DIS3L2: variants seen among roughly 807,000 people sequenced by gnomAD.
The protein encoded by DIS3L2 is DIS3 like 3'-5' exoribonuclease 2.
In DIS3L2, 34 loss-of-function variants were observed where a neutral mutation model predicts 97.5. That is an observed-to-expected ratio of 0.35 (90% CI 0.27 to 0.46). The LOEUF is 0.46. Among genes scored for constraint, DIS3L2 ranks in the 20% least tolerant of loss-of-function variants. The pLI, the probability that DIS3L2 is intolerant of heterozygous loss-of-function variation, is 1.00. For synonymous variants in DIS3L2, 435 were observed against 445.2 expected (o/e 0.98, Z 0.29); for missense variants, 1,038 against 1,146.0 (o/e 0.91, Z 1.36).
intron 9 of DIS3L2, among the ~76,000 whole-genome samples, chr2:232,197,790 A>G (rs1206039448): frequency 6.6e-6 from 1 of 151,916 alleles, no homozygotes; most frequent in African/African-American, 2.4e-5. Context: ...AACATGGTGA[A>G]ACCCCGTCTC....
intron 13 of DIS3L2, among the ~76,000 whole-genome samples, chr2:232,274,720 A>G (rs1177090299): frequency 3.3e-5 from 5 of 152,256 alleles, no homozygotes; most frequent in South Asian, 2.1e-4. Flanking sequence ...AAGACAAGAT[A>G]TAATAAGATT....
intron 11 of DIS3L2, among the ~76,000 whole-genome samples, chr2:232,240,739 C>G (rs1448831384): frequency 6.6e-6 from 1 of 152,194 alleles, no homozygotes; most frequent in African/African-American, 2.4e-5. Context: ...TAAGAGAATG[C>G]AGTGCAAACT....
At chr2:232,000,922 T>C (rs560602504) in intron 1 of DIS3L2, among the ~76,000 whole-genome samples, 1 of 151,890 alleles carries the variant, frequency 6.6e-6, no homozygotes, top group East Asian at 1.9e-4. Context: ...TTCCATTGTG[T>C]ATATATACTA....
chr2:232,089,681 C>T (rs900459901), intron 6 of DIS3L2, among the ~76,000 whole-genome samples: 4 of 152,192 alleles, frequency 2.6e-5, no homozygotes, highest in Admixed American at 6.5e-5. Context: ...GGAAACCCAG[C>T]TCTGGTGATA....
intron 1 of DIS3L2, among the ~76,000 whole-genome samples, chr2:232,000,040 C>A (rs1413048312): frequency 6.6e-6 from 1 of 152,010 alleles, no homozygotes; most frequent in Non-Finnish European, 1.5e-5. Flanking sequence ...CCTACAGCTA[C>A]CAAAAAATGT....
At chr2:232,233,332 C>T (rs1361109829) in intron 10 of DIS3L2, among the ~76,000 whole-genome samples, 1 of 152,162 alleles carries the variant, frequency 6.6e-6, no homozygotes, top group Non-Finnish European at 1.5e-5. Context: ...GGAACAGCAC[C>T]TTCTCATTGC....
intron 5 of DIS3L2, among the ~76,000 whole-genome samples, chr2:232,062,998 T>A (rs1480388284): frequency 6.6e-6 from 1 of 152,154 alleles, no homozygotes; most frequent in African/African-American, 2.4e-5. Context: ...TGGCTCTTAC[T>A]GTTCACATTA....
At chr2:232,091,301 C>T (rs984684364) in intron 6 of DIS3L2, among the ~76,000 whole-genome samples, 2 of 152,152 alleles carry the variant, frequency 1.3e-5, no homozygotes. Flanking sequence ...CACTTCTCCC[C>T]ACTTACTACC....
intron 13 of DIS3L2, among the ~76,000 whole-genome samples, chr2:232,271,122 G>A (rs1693998257): frequency 6.6e-6 from 1 of 152,178 alleles, no homozygotes; most frequent in African/African-American, 2.4e-5. Context: ...ATTTAAAACA[G>A]CTGAAAGAGG....
intron 9 of DIS3L2, among the ~76,000 whole-genome samples, chr2:232,205,211 C>CATATATATATATATAT (rs57163508): frequency 1.1e-4 from 15 of 140,592 alleles, no homozygotes; most frequent in African/African-American, 3.7e-4. Flanking sequence ...AGGCAGTTTA[C>CATATATATATATATAT]ATATATATAT....
intron 14 of DIS3L2, among the ~76,000 whole-genome samples, chr2:232,319,388 C>T (rs964553493): frequency 6.6e-6 from 1 of 152,238 alleles, no homozygotes; most frequent in African/African-American, 2.4e-5. Context: ...ACATGAGGAA[C>T]TGGGCTTGAG....
chr2:232,066,658 T>C (rs1469716602), intron 5 of DIS3L2, among the ~76,000 whole-genome samples: 25 of 152,070 alleles, frequency 1.6e-4, no homozygotes, highest in Admixed American at 1.6e-3. Flanking sequence ...CCTTTTTAAG[T>C]ATTTGATAAA....
intron 6 of DIS3L2, among the ~76,000 whole-genome samples, chr2:232,102,209 A>G (rs1697223708): frequency 6.6e-6 from 1 of 152,234 alleles, no homozygotes; most frequent in African/African-American, 2.4e-5. Context: ...TATTGGAATA[A>G]GTTAAATGAC....
chr2:232,025,569 C>T (rs1694633580), intron 4 of DIS3L2, among the ~76,000 whole-genome samples: 1 of 152,126 alleles, frequency 6.6e-6, no homozygotes, highest in African/African-American at 2.4e-5. Context: ...GAGAAAATGG[C>T]ATATGTCTTG....
Position 232,023,467 on chromosome 2 carries a change from C to T in DIS3L2, c.211-810C>T, listed in dbSNP as rs527472590. Among the ~76,000 whole-genome samples the T allele has an allele frequency of 3.9e-5, 6 of 152,238 alleles. No individual in the cohort carries two copies. In the South Asian group the frequency reaches 1.2e-3, roughly 32 times the overall value. ...ATTTAAAACACTTTCTCAAGATATC[C>T]TTTGAGTCTGGCTGTTAGAAAAATA... On this transcript the variant is annotated intron_variant, in intron 3 of 20. Transcript: ENST00000325385.
chr2:232,215,977 C>G (rs770826889), intron 10 of DIS3L2, among the ~76,000 whole-genome samples: 10 of 152,132 alleles, frequency 6.6e-5, no homozygotes, highest in Admixed American at 1.3e-4. Context: ...AATCATTCAC[C>G]CCAGCCCCTT....
intron 12 of DIS3L2, among the ~76,000 whole-genome samples, chr2:232,262,545 A>AG (rs1170784178): frequency 6.6e-6 from 1 of 152,158 alleles, no homozygotes; most frequent in African/African-American, 2.4e-5. Flanking sequence ...CTTGGTAGGG[A>AG]GAGGTGCTCC....
chr2:232,291,939 C>T (rs573035968), intron 13 of DIS3L2, among the ~76,000 whole-genome samples: 10 of 152,362 alleles, frequency 6.6e-5, no homozygotes, highest in Admixed American at 1.3e-4. Context: ...CTCGAAACCT[C>T]TGATGTGGCG....
At chr2:231,988,952 T>G (rs1192216155) in intron 1 of DIS3L2, among the ~76,000 whole-genome samples, 2 of 152,250 alleles carry the variant, frequency 1.3e-5, no homozygotes, top group African/African-American at 4.8e-5. Flanking sequence ...AGTCATTTTG[T>G]TCAGTTGATT....
Sources: allele counts gnomAD v4.1 joint callset (sites outside exome capture counted in the v4.1 genomes callset), GRCh38; gene constraint gnomAD v4.1.1; transcripts MANE v1.5; gene names NCBI Gene and HGNC (gene_info 2026-07-23, HGNC 2026-07-21).